Variants in EYS observed in about 807,000 individuals in gnomAD.
The protein encoded by EYS is EGF-like photoreceptor maintenance factor, also known as protein eyes shut homolog.
EYS carries 250 observed loss-of-function variants against 282.1 expected under a neutral mutation model. The observed-to-expected ratio is 0.89, with a 90% CI of 0.80 to 0.98. EYS has a LOEUF of 0.98. Among genes scored for constraint, EYS ranks in the 50% least tolerant of loss-of-function variants. EYS has a pLI of 0.00. For missense variants in EYS, 4,016 were observed against 3,709.0 expected (o/e 1.08, Z -2.15); for synonymous variants, 1,355 against 1,282.9 (o/e 1.06, Z -1.20).
intron 1 of EYS, among the ~76,000 whole-genome samples, chr6:65,662,071 C>G (rs906968790): frequency 6.6e-6 from 1 of 151,844 alleles, no homozygotes; most frequent in African/African-American, 2.4e-5. Flanking sequence ...TTTTTCTGGT[C>G]ACACCATATT....
intron 28 of EYS, among the ~76,000 whole-genome samples, chr6:64,391,066 G>A (rs1386477283): frequency 6.6e-6 from 1 of 152,092 alleles, no homozygotes; most frequent in African/African-American, 2.4e-5. Context: ...GAGAAGGGAA[G>A]TTTAGAGAAA....
intron 22 of EYS, among the ~76,000 whole-genome samples, chr6:64,665,109 T>G (rs750736228): frequency 1.3e-5 from 2 of 152,226 alleles, no homozygotes; most frequent in Non-Finnish European, 2.9e-5. Context: ...ATATAGACTT[T>G]GAAAGTTTTC....
chr6:64,203,590 C>G (rs1765534095), intron 31 of EYS, among the ~76,000 whole-genome samples: 1 of 152,094 alleles, frequency 6.6e-6, no homozygotes, highest in Non-Finnish European at 1.5e-5. Context: ...CTGCCTCTGA[C>G]CACGTTTTTC....
intron 13 of EYS, among the ~76,000 whole-genome samples, chr6:65,006,503 C>A (rs1486742553): frequency 8.6e-3 from 718 of 83,258 alleles, no homozygotes; most frequent in East Asian, 0.011. Context: ...TATTCTAAGT[C>A]AAAAAAAAAA....
chr6:64,177,074 A>G (rs2150309903), intron 31 of EYS, among the ~76,000 whole-genome samples: 1 of 151,936 alleles, frequency 6.6e-6, no homozygotes, highest in African/African-American at 2.4e-5. Context: ...ATAATTTACT[A>G]TAAATTATTC....
chr6:65,374,301 G>C (rs1409953622), intron 8 of EYS, among the ~76,000 whole-genome samples: 1 of 152,038 alleles, frequency 6.6e-6, no homozygotes, highest in African/African-American at 2.4e-5. Flanking sequence ...AGGGGTCAGG[G>C]ACCTCCCTAC....
intron 14 of EYS, among the ~76,000 whole-genome samples, chr6:64,961,808 T>A (rs554451784): frequency 6.6e-6 from 1 of 152,330 alleles, no homozygotes; most frequent in African/African-American, 2.4e-5. Flanking sequence ...TTAGGCAATT[T>A]ACTTAGCCTA....
At chr6:63,773,173 A>C (rs2149661856) in intron 40 of EYS, among the ~76,000 whole-genome samples, 1 of 152,350 alleles carries the variant, frequency 6.6e-6, no homozygotes, top group South Asian at 2.1e-4. Flanking sequence ...GCTCTAATAC[A>C]TAATAGTGTC....
intron 1 of EYS, among the ~76,000 whole-genome samples, chr6:65,679,494 C>T (rs1333282733): frequency 6.6e-6 from 1 of 151,754 alleles, no homozygotes; most frequent in Admixed American, 6.6e-5. Context: ...AATAGTCAAA[C>T]TCATAGAAGC....
At chr6:64,425,455 GA>G (rs1396407729) in intron 28 of EYS, among the ~76,000 whole-genome samples, 3 of 151,972 alleles carry the variant, frequency 2.0e-5, no homozygotes, top group Non-Finnish European at 4.4e-5. Context: ...AAGAGTTTGA[GA>G]CCAGACTGGC....
At chr6:65,705,666 C>T (rs1432874477) in intron 1 of EYS, among the ~76,000 whole-genome samples, 1 of 152,066 alleles carries the variant, frequency 6.6e-6, no homozygotes, top group East Asian at 1.9e-4. Flanking sequence ...TTTATGGCAA[C>T]TGCAAACATG....
In EYS at chr6:65,408,500, AT is replaced by A. The variant is rs150526608; in HGVS notation, c.863-3134del. Among the ~76,000 whole-genome samples the A allele has an allele frequency of 2.9e-3, 436 of 152,156 alleles. 4 individuals are homozygous for A. The highest frequency in any genetic ancestry group is 0.01 in the African/African-American group (423 of 41,524). On this transcript the variant is annotated intron_variant, in intron 5 of 42. Transcript: ENST00000503581. ...TTATTCATTTCCTCTAAGTCGTCAC[AT>A]TTGTTGGCCTAATGTTGTTCATAAT...
At chr6:65,292,746 T>G (rs1768561237) in intron 12 of EYS, among the ~76,000 whole-genome samples, 1 of 151,606 alleles carries the variant, frequency 6.6e-6, no homozygotes. Context: ...ACTAGTACAC[T>G]TCTACAGAAA....
intron 30 of EYS, among the ~76,000 whole-genome samples, chr6:64,287,892 A>G (rs1415492275): frequency 6.6e-6 from 1 of 152,136 alleles, no homozygotes; most frequent in Non-Finnish European, 1.5e-5. Flanking sequence ...CTCAGCCTTG[A>G]GCCCCAAACA....
chr6:64,390,148 T>C (rs2150426258), intron 28 of EYS, among the ~76,000 whole-genome samples: 1 of 152,098 alleles, frequency 6.6e-6, no homozygotes, highest in East Asian at 1.9e-4. Flanking sequence ...CGCTGATTGC[T>C]AGCACAGCAG....
At chr6:64,303,364 A>G (rs1322738189) in intron 30 of EYS, among the ~76,000 whole-genome samples, 2 of 152,200 alleles carry the variant, frequency 1.3e-5, no homozygotes, top group Non-Finnish European at 2.9e-5. Flanking sequence ...CTAGGATTCA[A>G]AGCTGGAATA....
chr6:64,143,772 C>T (rs80325272), intron 31 of EYS, among the ~76,000 whole-genome samples: 1,746 of 152,256 alleles, frequency 0.011, 34 homozygotes, highest in African/African-American at 0.039. Context: ...GTTTTTGACC[C>T]TGCCAATAAT....
At chr6:63,847,629 T>C (rs895156947) in intron 36 of EYS, among the ~76,000 whole-genome samples, 14 of 152,252 alleles carry the variant, frequency 9.2e-5, no homozygotes, top group African/African-American at 3.4e-4. Flanking sequence ...AAAAATACTC[T>C]GTTGCCAGAC....
intron 22 of EYS, among the ~76,000 whole-genome samples, chr6:64,766,215 A>G (rs1390318274): frequency 6.6e-6 from 1 of 151,304 alleles, no homozygotes; most frequent in East Asian, 2.0e-4. Flanking sequence ...GACATGAGCC[A>G]CTGCACTGGC....
Sources: allele counts gnomAD v4.1 joint callset (sites outside exome capture counted in the v4.1 genomes callset), GRCh38; gene constraint gnomAD v4.1.1; transcripts MANE v1.5; gene names NCBI Gene and HGNC (gene_info 2026-07-23, HGNC 2026-07-21).